The following PCDHGA8 variants were observed in gnomAD, a reference collection of about 807,000 sequenced individuals.
PCDHGA8 encodes protocadherin gamma subfamily A, 8, also known as protocadherin gamma-A8.
Under a neutral mutation model 59.2 loss-of-function variants are expected in PCDHGA8, and 45 were observed. The ratio of observed to expected loss-of-function variants is 0.76; its 90% CI spans 0.60 to 0.98. The LOEUF is 0.98. Ranked by LOEUF, PCDHGA8 falls within the 50% of genes least tolerant of loss-of-function variation. PCDHGA8 has a pLI of 0.00. For missense variants in PCDHGA8, 1,257 were observed against 1,196.2 expected (o/e 1.05, Z -0.75); for synonymous variants, 531 against 519.0 (o/e 1.02, Z -0.32).
intron 1 of PCDHGA8, chr5:141,430,741 A>T (rs370226249): frequency 6.7e-6 from 10 of 1,498,900 alleles, no homozygotes; most frequent in Non-Finnish European, 8.9e-6. Flanking sequence ...ATTGAAAATA[A>T]TTCTGGAGGA....
At chr5:141,437,032 C>T (rs2097859215) in intron 1 of PCDHGA8, among the ~76,000 whole-genome samples, 1 of 152,182 alleles carries the variant, frequency 6.6e-6, no homozygotes, top group Admixed American at 6.5e-5. Context: ...GAAAATGGAT[C>T]ACCGAAACCA....
rs772345742 is a variant in PCDHGA8 at position 141,398,560 on chromosome 5, T to C, written c.2424+3323T>C. 17 of 1,613,792 alleles carry C rather than the reference T, an allele frequency of 1.1e-5. No individual in the cohort carries two copies. The Admixed American group carries it at 2.2e-4, about 21-fold the overall frequency. ...TTCCTTTGAGCTGCAAATAAGTGAG[T>C]CTGCACAGCCTGGCACAAGATTTAT... On this transcript the variant is annotated intron_variant, in intron 1 of 3. Transcript: ENST00000398604.
In PCDHGA8 at chr5:141,415,292, G is replaced by T. The variant is rs778092218; in HGVS notation, c.2424+20055G>T. The T allele has an allele frequency of 1.7e-5, 28 of 1,614,082 alleles. No individual in the cohort carries two copies. Among genetic ancestry groups the T allele is most frequent in the Non-Finnish European group, 2.3e-5 (27 of 1,180,046 alleles). Reference sequence around the variant, plus strand: ...GTGGTAGCGGTGGCCGCGGTCTCCTGCGTCTTCCTGGCCTTCGTCATCGTG... The same window carrying T: ...GTGGTAGCGGTGGCCGCGGTCTCCTTCGTCTTCCTGGCCTTCGTCATCGTG... On this transcript the variant is annotated intron_variant, in intron 1 of 3. Coordinates refer to ENST00000398604, the MANE Select transcript of PCDHGA8 (RefSeq NM_032088.2).
At chr5:141,406,072 CTTT>C (rs530474569) in intron 1 of PCDHGA8, among the ~76,000 whole-genome samples, 2 of 141,478 alleles carry the variant, frequency 1.4e-5, no homozygotes. Context: ...ATTCTTACTC[CTTT>C]TTTTTTTTTT....
chr5:141,476,046 C>T lies in PCDHGA8; in HGVS notation c.2425-18761C>T. 6.7e-7 allele frequency: 1 copy of T among 1,491,396 alleles called. No individual in the cohort carries two copies. Among genetic ancestry groups the T allele is most frequent in the Non-Finnish European group, 8.9e-7 (1 of 1,122,928 alleles). 92.4% of individuals were successfully genotyped at this position (1,491,396 alleles called of 1,614,324 possible). On this transcript the variant is annotated intron_variant, in intron 1 of 3. Coordinates refer to ENST00000398604, the MANE Select transcript of PCDHGA8 (RefSeq NM_032088.2). This position sits in a 1 kb window ranked among gnomAD's most constrained non-coding sequence, Gnocchi z 7.6. ...CGGCGCCCAGCGCCCAAGCGCTAAC[C>T]CGCTGAAAGTTTCTCAGCGAAATCT...
chr5:141,418,740 T>C, intron 1 of PCDHGA8: 1 of 1,613,972 alleles, frequency 6.2e-7, no homozygotes, highest in Admixed American at 1.7e-5. Context: ...GTGTTCTCTC[T>C]GGATTACACT....
intron 1 of PCDHGA8, among the ~76,000 whole-genome samples, chr5:141,429,712 C>T (rs998121271): frequency 1.3e-5 from 2 of 151,994 alleles, no homozygotes; most frequent in African/African-American, 2.4e-5. Flanking sequence ...TAAATATTTA[C>T]GCTCATGAAA....
chr5:141,404,746 A>T (rs1219726027), intron 1 of PCDHGA8: 2 of 1,613,308 alleles, frequency 1.2e-6, no homozygotes, highest in Admixed American at 3.3e-5. Flanking sequence ...ACAGAGACTC[A>T]GGCCAGAATG....
intron 2 of PCDHGA8, among the ~76,000 whole-genome samples, chr5:141,501,956 A>G (rs527567012): frequency 6.6e-6 from 1 of 152,136 alleles, no homozygotes; most frequent in Non-Finnish European, 1.5e-5. Context: ...GTGACAGGTC[A>G]TCCTCCTAAC....
chr5:141,410,466 G>T (rs536543649), intron 1 of PCDHGA8: 2 of 1,613,908 alleles, frequency 1.2e-6, no homozygotes, highest in South Asian at 1.1e-5. Context: ...TATAATCTGT[G>T]CATTGCACAT....
chr5:141,428,145 A>G (rs748256830), intron 1 of PCDHGA8: 10 of 1,592,574 alleles, frequency 6.3e-6, no homozygotes, highest in African/African-American at 1.3e-5. Context: ...GGGGCTGCAC[A>G]CGGGAACCTG....
intron 1 of PCDHGA8, among the ~76,000 whole-genome samples, chr5:141,465,116 C>A (rs2099097321): frequency 6.6e-6 from 1 of 150,972 alleles, no homozygotes; most frequent in Non-Finnish European, 1.5e-5. Context: ...AGTGTTTTAG[C>A]CTAAATTTGT....
intron 1 of PCDHGA8, chr5:141,403,224 A>G (rs753308307): frequency 2.0e-5 from 32 of 1,613,820 alleles, no homozygotes; most frequent in Non-Finnish European, 2.5e-5. Context: ...GGTAGGATAG[A>G]CCGGGAGGAG....
In PCDHGA8 at chr5:141,491,722, C is replaced by T. The variant is rs1276921909; in HGVS notation, c.2425-3085C>T. ...CCAGGTGAGGGGCTCGGCGCCGCCC[C>T]GGGCGACCCCTGGGGGCGGCACTGG... On this transcript the variant is annotated intron_variant, in intron 1 of 3. Coordinates refer to ENST00000398604, the MANE Select transcript of PCDHGA8 (RefSeq NM_032088.2). This position sits in a 1 kb window ranked among gnomAD's most constrained non-coding sequence, Gnocchi z 6.9. The T allele has an allele frequency of 6.2e-7, 1 of 1,607,004 alleles. No homozygotes were observed.
rs1303066281 is a variant in PCDHGA8, at chr5:141,511,199, G to A, written c.*26G>A. The A allele has an allele frequency of 1.2e-6, 2 of 1,612,750 alleles. No homozygotes were observed. The highest frequency in any genetic ancestry group is 1.3e-5 in the African/African-American group (1 of 74,896). On this transcript the variant is annotated 3_prime_UTR_variant, in exon 4 of 4. Transcript: ENST00000398604. The stretch of plus-strand genomic sequence containing the variant: ...CATGGAGGCCAGGCCAAGAGCCACA[G>A]GGCGGCCTCTCCCCAACCAGCCCAG...
In PCDHGA8 at chr5:141,487,169, G is replaced by A. The variant is rs1259980100; in HGVS notation, c.2425-7638G>A. On this transcript the variant is annotated intron_variant, in intron 1 of 3. Coordinates refer to ENST00000398604, the MANE Select transcript of PCDHGA8 (RefSeq NM_032088.2). The surrounding 1 kb of genome is among the most constrained non-coding windows in gnomAD (Gnocchi z 5.0). ...CTCTGTTACTCTCTTAGTGTCCTTA[G>A]AGGAAGACACTCATCCAGTTGTCCC... 6.2e-7 allele frequency: 1 copy of A among 1,613,086 alleles called. No homozygotes were observed. Among genetic ancestry groups the A allele is most frequent in the South Asian group, 1.1e-5 (1 of 91,072 alleles).
At chr5:141,478,519 G>A in intron 1 of PCDHGA8, 2 of 1,610,728 alleles carry the variant, frequency 1.2e-6, no homozygotes, top group Non-Finnish European at 1.7e-6. Context: ...GGCAGGTGTT[G>A]GGTGCAGAGA....
Position 141,438,021 on chromosome 5 carries a change from G to T in PCDHGA8, c.2424+42784G>T, listed in dbSNP as rs112167613. ...CTCCCAAATAGCTGAGATTACAGGT[G>T]TGAGCCACCATGCCCGACCACTTTG... On this transcript the variant is annotated intron_variant, in intron 1 of 3. Transcript: ENST00000398604. Among the ~76,000 whole-genome samples the T allele has an allele frequency of 1.6e-3, 250 of 152,256 alleles. 2 individuals are homozygous for T. Among genetic ancestry groups the T allele is most frequent in the African/African-American group, 5.3e-3 (221 of 41,544 alleles).
At chr5:141,418,418 G>C (rs1366605966) in intron 1 of PCDHGA8, 1 of 1,613,998 alleles carries the variant, frequency 6.2e-7, no homozygotes, top group East Asian at 2.2e-5. Flanking sequence ...AGACAATCCT[G>C]ATGGTGGCAA....
Sources: gnomAD v4.1 joint callset for allele counts (sites outside exome capture counted in the v4.1 genomes callset) on GRCh38, gnomAD v4.1.1 for gene constraint, Gnocchi (gnomAD v3.1) non-coding constraint, MANE v1.5 for transcripts, NCBI Gene and HGNC (gene_info 2026-07-23, HGNC 2026-07-21) for gene names.